IL33: variants seen among roughly 807,000 people sequenced by gnomAD.
The protein encoded by IL33 is interleukin 33.
In IL33, 37 loss-of-function variants were observed where a neutral mutation model predicts 27.3. The ratio of observed to expected loss-of-function variants is 1.36; its 90% CI spans 1.04 to 1.78. The LOEUF (loss-of-function observed/expected upper bound fraction) is 1.78, where lower values mean the gene tolerates loss of function less well. Ranked by LOEUF, IL33 falls within the 40% of genes most tolerant of loss-of-function variation. The probability of loss-of-function intolerance (pLI) is 0.00; values close to 1 mark genes in which losing one functional copy is unlikely to be tolerated. For synonymous variants in IL33, 132 were observed against 102.9 expected (o/e 1.28, Z -1.71); for missense variants, 406 against 311.4 (o/e 1.30, Z -2.29).
intron 2 of IL33, among the ~76,000 whole-genome samples, chr9:6,248,434 G>A (rs1322433739): frequency 6.6e-6 from 1 of 151,806 alleles, no homozygotes; most frequent in Non-Finnish European, 1.5e-5. Context: ...AAGAGACTGG[G>A]TTTGTTATAA....
chr9:6,245,072 C>T (rs989112593), intron 2 of IL33, among the ~76,000 whole-genome samples: 1 of 152,152 alleles, frequency 6.6e-6, no homozygotes, highest in African/African-American at 2.4e-5. Context: ...TCAGGCTTTC[C>T]TCTTCTCCTA....
At chr9:6,252,737 G>T in intron 4 of IL33, 129 bp from the exon 5 acceptor site, 1 of 1,053,356 alleles carries the variant, frequency 9.5e-7, no homozygotes, top group Non-Finnish European at 1.4e-6. Flanking sequence ...TTGTATCAAA[G>T]GCTTTAATCT....
chr9:6,222,096 G>A (rs147581264), intron 1 of IL33, among the ~76,000 whole-genome samples: 91 of 152,278 alleles, frequency 6.0e-4, no homozygotes, highest in Non-Finnish European at 1.1e-3. Context: ...TTAGATCACC[G>A]CACAAGGCAG....
At chr9:6,245,024 T>A (rs1265399822) in intron 2 of IL33, among the ~76,000 whole-genome samples, 1 of 152,116 alleles carries the variant, frequency 6.6e-6, no homozygotes, top group African/African-American at 2.4e-5. Context: ...ACCCTTCCCT[T>A]CCCCGTTTCC....
chr9:6,226,944 T>G (rs1818664271), intron 1 of IL33, among the ~76,000 whole-genome samples: 1 of 152,242 alleles, frequency 6.6e-6, no homozygotes. Flanking sequence ...AGATAAGACT[T>G]GTATTTGCCT....
chr9:6,232,159 T>G (rs1158405322), intron 1 of IL33, among the ~76,000 whole-genome samples: 1 of 152,132 alleles, frequency 6.6e-6, no homozygotes, highest in African/African-American at 2.4e-5. Flanking sequence ...TGATCAGATG[T>G]AGATAATATG....
intron 3 of IL33, 114 bp downstream of exon 3, chr9:6,250,713 T>C: frequency 8.1e-7 from 1 of 1,234,562 alleles, no homozygotes; most frequent in South Asian, 1.9e-5. Flanking sequence ...TTGGAAAATA[T>C]TAAGAATGAT....
chr9:6,235,528 A>G (rs2130247471), intron 1 of IL33, among the ~76,000 whole-genome samples: 1 of 152,350 alleles, frequency 6.6e-6, no homozygotes, highest in South Asian at 2.1e-4. Flanking sequence ...ATATTTTACC[A>G]CATAATATTT....
chr9:6,215,420 T>C (rs1331800058), upstream of IL33, among the ~76,000 whole-genome samples: 3 of 152,266 alleles, frequency 2.0e-5, no homozygotes, highest in African/African-American at 7.2e-5. Context: ...CAAATTTCTA[T>C]TATAAAGGAA....
chr9:6,250,600 G>T lies in IL33; in HGVS notation c.217+1G>T, dbSNP rs141509242. ...ACCAAAAGGCCTTCACTGAAAACAG[G>T]TAAGGGGAACCGTACATTCTCTGGC... On this transcript the variant is annotated splice_donor_variant, in intron 3 of 7. Coordinates refer to ENST00000682010, the MANE Select transcript of IL33 (RefSeq NM_033439.4). LOFTEE classifies it high-confidence loss of function. The T allele has an allele frequency of 7.9e-4, 1,282 of 1,612,662 alleles. 1 individual carries two copies. Among genetic ancestry groups the T allele is most frequent in the Non-Finnish European group, 1.0e-3 (1,203 of 1,179,490 alleles).
At chr9:6,231,318 A>G (rs12551268) in intron 1 of IL33, among the ~76,000 whole-genome samples, 1 of 152,004 alleles carries the variant, frequency 6.6e-6, no homozygotes, top group African/African-American at 2.4e-5. Context: ...CCTTCTCTCT[A>G]CAGCCCCTTC....
At chr9:6,227,383 GA>G (rs2130149766) in intron 1 of IL33, among the ~76,000 whole-genome samples, 1 of 152,248 alleles carries the variant, frequency 6.6e-6, no homozygotes, top group East Asian at 1.9e-4. Context: ...AATGTTGTTT[GA>G]AAAGATATTT....
At chr9:6,245,478 G>C (rs12352330) in intron 2 of IL33, among the ~76,000 whole-genome samples, 8,207 of 152,184 alleles carry the variant, frequency 0.054, 716 homozygotes, top group African/African-American at 0.18. Flanking sequence ...ATGTTGAACT[G>C]AGGAATGATA....
chr9:6,239,896 C>T (rs982990629), intron 1 of IL33, among the ~76,000 whole-genome samples: 1 of 152,094 alleles, frequency 6.6e-6, no homozygotes, highest in Admixed American at 6.6e-5. Context: ...CTGTTCCTTT[C>T]GGTGGAGAAA....
intron 1 of IL33, among the ~76,000 whole-genome samples, chr9:6,240,055 A>C (rs2130303199): frequency 6.6e-6 from 1 of 152,272 alleles, no homozygotes. Flanking sequence ...TTTGCTCTAT[A>C]CTAAAGTATA....
rs886892643 is a variant in IL33 at position 6,256,686 on chromosome 9, T to C, written c.*518T>C. Reference sequence around the variant, plus strand: ...TGGAATAAAACACCAGGTTTGTTTGTAGATGTCTTAGGCAACACTCAGAGC... The same window carrying C: ...TGGAATAAAACACCAGGTTTGTTTGCAGATGTCTTAGGCAACACTCAGAGC... On this transcript the variant is annotated 3_prime_UTR_variant, in exon 8 of 8. Coordinates refer to ENST00000682010, the MANE Select transcript of IL33 (RefSeq NM_033439.4). 3.0e-5 allele frequency: 6 copies of C among 200,920 alleles called. No homozygotes were observed. Among genetic ancestry groups the C allele is most frequent in the Non-Finnish European group, 4.9e-5 (5 of 101,114 alleles). The allele number at this position is 200,920 out of a possible 1,614,324, so 12.4% of individuals were successfully genotyped here.
chr9:6,252,492 C>T (rs1333151298), intron 4 of IL33, among the ~76,000 whole-genome samples: 1 of 152,176 alleles, frequency 6.6e-6, no homozygotes, highest in Non-Finnish European at 1.5e-5. Flanking sequence ...TATAGATGAA[C>T]ATTTATTTAT....
chr9:6,245,834 G>A (rs1024007546), intron 2 of IL33, among the ~76,000 whole-genome samples: 3 of 151,816 alleles, frequency 2.0e-5, no homozygotes, highest in South Asian at 2.1e-4. Context: ...AGGCTGAGGC[G>A]GGCGGATCAT....
chr9:6,238,499 G>T (rs920034772), intron 1 of IL33, among the ~76,000 whole-genome samples: 1 of 152,162 alleles, frequency 6.6e-6, no homozygotes, highest in African/African-American at 2.4e-5. Context: ...TAATGTTATA[G>T]CAGTTCTACC....
Sources: allele counts gnomAD v4.1 joint callset (sites outside exome capture counted in the v4.1 genomes callset), GRCh38; gene constraint gnomAD v4.1.1; transcripts MANE v1.5; gene names NCBI Gene and HGNC (gene_info 2026-07-23, HGNC 2026-07-21).